WWC2: variants seen among roughly 807,000 people sequenced by gnomAD.
WWC2 encodes the protein WW and C2 domain containing 2, also known as protein WWC2.
A neutral mutation model predicts 138.5 loss-of-function variants in WWC2; 101 were observed. The ratio of observed to expected loss-of-function variants is 0.73; its 90% CI spans 0.62 to 0.86. The LOEUF is 0.86. Ranked by LOEUF, WWC2 falls within the 40% of genes least tolerant of loss-of-function variation. The pLI, the probability that WWC2 is intolerant of heterozygous loss-of-function variation, is 0.00. For missense variants in WWC2, 1,420 were observed against 1,419.4 expected (o/e 1.00, Z -0.01); for synonymous variants, 558 against 538.4 (o/e 1.04, Z -0.50).
At position 183,099,557 on chromosome 4, in the gene WWC2, C is replaced by A; in HGVS notation, c.66C>A (p.Tyr22Ter). Reference protein sequence around the residue: ...LPRGWEEARDYDGKVFYIDHN... With the variant: ...LPRGWEEARD Reference sequence around the variant, plus strand: ...GGGGCTGGGAGGAGGCCAGGGACTACGACGGCAAGGTCTTCTACATTGACC... The same window carrying A: ...GGGGCTGGGAGGAGGCCAGGGACTAAGACGGCAAGGTCTTCTACATTGACC... The change falls in exon 1 of 23, where the codon TAC becomes TAA. Residue 22 changes from tyrosine (Y) to a stop codon, truncating the protein, a stop_gained. Coordinates refer to ENST00000403733, the MANE Select transcript of WWC2 (RefSeq NM_024949.6). LOFTEE classifies it high-confidence loss of function. 1.4e-6 allele frequency: 2 copies of A among 1,422,632 alleles called. No individual in the cohort carries two copies. Among genetic ancestry groups the A allele is most frequent in the Admixed American group, 2.3e-5 (1 of 43,230 alleles). 88.1% of individuals were successfully genotyped at this position (1,422,632 alleles called of 1,614,324 possible).
chr4:183,133,152 C>CTT (rs374079982), intron 1 of WWC2, among the ~76,000 whole-genome samples: 50 of 59,180 alleles, frequency 8.4e-4, no homozygotes, highest in Non-Finnish European at 1.1e-3. Flanking sequence ...TCTTTTTTTT[C>CTT]TTTTTTTTTT....
intron 1 of WWC2, among the ~76,000 whole-genome samples, chr4:183,126,981 C>T (rs558446102): frequency 4.0e-5 from 6 of 151,418 alleles, no homozygotes; most frequent in African/African-American, 1.5e-4. Context: ...AAGGAATCCA[C>T]CCACCTCAGC....
At chr4:183,166,116 C>T (rs1734120811) in intron 1 of WWC2, among the ~76,000 whole-genome samples, 1 of 152,124 alleles carries the variant, frequency 6.6e-6, no homozygotes, top group African/African-American at 2.4e-5. Flanking sequence ...TTTTGTCCTA[C>T]ATTCTTTTTT....
intron 14 of WWC2, among the ~76,000 whole-genome samples, chr4:183,267,411 C>T (rs556003785): frequency 6.6e-6 from 1 of 152,306 alleles, no homozygotes; most frequent in African/African-American, 2.4e-5. Context: ...TGACTTCTCC[C>T]TACCAGTAGA....
At chr4:183,209,056 G>T in intron 4 of WWC2, 31 bp downstream of exon 4, 2 of 1,435,020 alleles carry the variant, frequency 1.4e-6, no homozygotes, top group South Asian at 2.4e-5. Flanking sequence ...GTTCTATGTT[G>T]ACCCATATGC....
chr4:183,271,777 G>A (rs1195764819), intron 16 of WWC2, among the ~76,000 whole-genome samples: 1 of 152,198 alleles, frequency 6.6e-6, no homozygotes, highest in Non-Finnish European at 1.5e-5. Context: ...GCTGAGGCAG[G>A]CGAATTGCTT....
At position 183,099,581 on chromosome 4, in the gene WWC2, C is replaced by T; in HGVS notation, c.90C>T (p.Asp30=). The T allele has an allele frequency of 7.1e-7, 1 of 1,406,870 alleles. No homozygotes were observed. Among genetic ancestry groups the T allele is most frequent in the Non-Finnish European group, 9.4e-7 (1 of 1,063,510 alleles). The allele number at this position is 1,406,870 out of a possible 1,614,324, so 87.1% of individuals were successfully genotyped here. Residue 30 remains aspartate, a synonymous_variant, in exon 1 of 23, where the codon GAC becomes GAT. Coordinates refer to ENST00000403733, the MANE Select transcript of WWC2 (RefSeq NM_024949.6). ...ACGACGGCAAGGTCTTCTACATTGA[C>T]CACAACACCAGGAGGACCAGCTGGA... ...RDYDGKVFYI[D]HNTRRTSWID... is the part of the protein sequence containing the mutation.
intron 1 of WWC2, among the ~76,000 whole-genome samples, chr4:183,120,172 G>C (rs1579956952): frequency 6.6e-6 from 1 of 152,324 alleles, no homozygotes; most frequent in East Asian, 1.9e-4. Context: ...AGAGGAAAAT[G>C]AGGAATCAGT....
rs1256176271 is a variant in WWC2, at chr4:183,286,172, C to A, written c.3141+113C>A. On this transcript the variant is annotated intron_variant, in intron 20 of 22. Transcript: ENST00000403733. ...AATGTCAGTGCTCCATGCGCTTGGC[C>A]TACTGAATGCAGCCACTGGGATACA... The A allele has an allele frequency of 5.0e-6, 5 of 1,001,922 alleles. No homozygotes were observed. The South Asian group carries it at 7.2e-5, about 15-fold the overall frequency. 62.1% of individuals were successfully genotyped at this position (1,001,922 alleles called of 1,614,324 possible). A position where few individuals can be genotyped will look rare whatever the true frequency, so the allele number is the denominator to read the frequency against.
chr4:183,285,685 A>G (rs528590969), intron 19 of WWC2, among the ~76,000 whole-genome samples: 1 of 152,116 alleles, frequency 6.6e-6, no homozygotes, highest in Non-Finnish European at 1.5e-5. Flanking sequence ...GTGTGAACCC[A>G]GGTGGCAGAG....
intron 1 of WWC2, among the ~76,000 whole-genome samples, chr4:183,130,925 A>G (rs934659795): frequency 6.6e-6 from 1 of 152,162 alleles, no homozygotes; most frequent in Admixed American, 6.5e-5. Flanking sequence ...CAACATCTAG[A>G]CTAGTGTTTG....
At chr4:183,188,976 G>A (rs1002964535) in intron 1 of WWC2, among the ~76,000 whole-genome samples, 1 of 151,960 alleles carries the variant, frequency 6.6e-6, no homozygotes, top group Non-Finnish European at 1.5e-5. Context: ...AATCATTTAA[G>A]CTAATTTCCT....
chr4:183,282,986 TA>T (rs1738130853), intron 18 of WWC2, 80 bp downstream of exon 18: 2 of 1,374,498 alleles, frequency 1.5e-6, no homozygotes, highest in African/African-American at 2.9e-5. Flanking sequence ...TTTGTCTCCT[TA>T]GGTGTAAATT....
At position 183,155,729 on chromosome 4, in the gene WWC2, A is replaced by G. The variant is rs138297837; in HGVS notation, c.132-37870A>G. Among the ~76,000 whole-genome samples the G allele has an allele frequency of 3.4e-3, 516 of 152,298 alleles. 2 individuals carry two copies. The highest frequency in any genetic ancestry group is 0.012 in the African/African-American group (482 of 41,558). ...GATGTACTTTAAGAAAATGTCATATACAGTAATGCTGACTTTTCACTCAGT... is the reference window on the plus strand; with the variant it reads ...GATGTACTTTAAGAAAATGTCATATGCAGTAATGCTGACTTTTCACTCAGT... On this transcript the variant is annotated intron_variant, in intron 1 of 22. Coordinates refer to ENST00000403733, the MANE Select transcript of WWC2 (RefSeq NM_024949.6).
intron 1 of WWC2, among the ~76,000 whole-genome samples, chr4:183,110,177 T>C (rs1374587319): frequency 1.3e-5 from 2 of 152,194 alleles, no homozygotes; most frequent in East Asian, 3.8e-4. Context: ...ATATAATTCT[T>C]AAGAAGAGTT....
chr4:183,106,451 A>G (rs1245709835), intron 1 of WWC2, among the ~76,000 whole-genome samples: 9 of 152,136 alleles, frequency 5.9e-5, no homozygotes, highest in South Asian at 4.2e-4. Context: ...CATTTTAACC[A>G]TTTTGAAGAC....
At chr4:183,202,288 A>G (rs746718491) in intron 2 of WWC2, among the ~76,000 whole-genome samples, 20 of 152,148 alleles carry the variant, frequency 1.3e-4, no homozygotes, top group Non-Finnish European at 2.8e-4. Context: ...TGGTTTACAT[A>G]TGAAGGATGG....
rs562653602 is a variant in WWC2, at chr4:183,306,275, C to T, written c.3385-6066C>T. 8.5e-5 allele frequency among the ~76,000 whole-genome samples: 13 copies of T among 152,234 alleles called. No individual in the cohort carries two copies. The South Asian group carries it at 2.7e-3, about 32-fold the overall frequency. On this transcript the variant is annotated intron_variant, in intron 21 of 22. Transcript: ENST00000403733. ...CAGTAACAAATTGGTAGATATTATT[C>T]CAGCTGTTTCATTAATCACTGTAAA... is the stretch of plus-strand genomic sequence containing the variant.
intron 6 of WWC2, 96 bp from the exon 7 acceptor site, chr4:183,248,615 TCCA>T: frequency 1.6e-6 from 2 of 1,272,776 alleles, no homozygotes; most frequent in Admixed American, 2.9e-5. Context: ...GTTGTTTTTT[TCCA>T]TTGAGATTAG....
Sources: allele counts gnomAD v4.1 joint callset (sites outside exome capture counted in the v4.1 genomes callset), GRCh38; gene constraint gnomAD v4.1.1; transcripts MANE v1.5; gene names NCBI Gene and HGNC (gene_info 2026-07-23, HGNC 2026-07-21).